PLCB1: variants seen among roughly 807,000 people sequenced by gnomAD.
PLCB1 encodes phospholipase C beta 1.
In PLCB1, 46 loss-of-function variants were observed where a neutral mutation model predicts 161.8. That is an observed-to-expected ratio of 0.28 (90% confidence interval 0.22 to 0.36). The LOEUF is 0.36. Ranked by LOEUF, PLCB1 falls within the 10% of genes least tolerant of loss-of-function variation. The pLI is 1.00. For missense variants in PLCB1, 1,016 were observed against 1,472.5 expected, an observed-to-expected ratio of 0.69 and a Z score of 5.07; for synonymous variants, 517 against 503.7, an observed-to-expected ratio of 1.03 and a Z score of -0.35.
At chr20:8,303,798 A>G (rs118153379) in intron 2 of PLCB1, among the ~76,000 whole-genome samples, 1,739 of 152,322 alleles carry the variant, frequency 0.011, 15 homozygotes, top group Middle Eastern at 0.034. Flanking sequence ...AATGTGCCTC[A>G]TCGAGTCCCA....
intron 2 of PLCB1, among the ~76,000 whole-genome samples, chr20:8,185,262 T>C (rs1208162174): frequency 6.6e-6 from 1 of 152,196 alleles, no homozygotes; most frequent in African/African-American, 2.4e-5. Flanking sequence ...TATCTTTTTA[T>C]ATATATCTGC....
chr20:8,161,721 C>T (rs1029808465), intron 2 of PLCB1, among the ~76,000 whole-genome samples: 1 of 151,850 alleles, frequency 6.6e-6, no homozygotes, highest in African/African-American at 2.4e-5. Context: ...ACGCTGCTGC[C>T]TGGGCTTCCT....
intron 3 of PLCB1, among the ~76,000 whole-genome samples, chr20:8,481,040 G>C (rs1982478506): frequency 6.6e-6 from 1 of 152,134 alleles, no homozygotes. Flanking sequence ...GGAGGCAAAG[G>C]TTGCAGTGAG....
chr20:8,731,736 T>C (rs1298575932), intron 18 of PLCB1, among the ~76,000 whole-genome samples: 3 of 151,996 alleles, frequency 2.0e-5, no homozygotes, highest in Non-Finnish European at 4.4e-5. Flanking sequence ...TACTTATTTG[T>C]TGTGTATTAT....
intron 2 of PLCB1, among the ~76,000 whole-genome samples, chr20:8,289,120 G>A (rs1011484457): frequency 3.3e-5 from 5 of 152,130 alleles, no homozygotes; most frequent in South Asian, 2.1e-4. Flanking sequence ...TTTTCAACCC[G>A]GGTTCCCATT....
At chr20:8,650,582 A>G (rs932951831) in intron 7 of PLCB1, among the ~76,000 whole-genome samples, 1 of 152,170 alleles carries the variant, frequency 6.6e-6, no homozygotes, top group Non-Finnish European at 1.5e-5. Context: ...CTTCTACCCT[A>G]CCACTGGCTC....
intron 4 of PLCB1, among the ~76,000 whole-genome samples, chr20:8,629,863 T>TTCTTTCTC: frequency 9.8e-6 from 1 of 102,100 alleles, no homozygotes; most frequent in South Asian, 2.8e-4. Context: ...CTTTCTTTCT[T>TTCTTTCTC]TCTTTCTTTC....
At chr20:8,686,578 A>AT (rs1990363833) in intron 10 of PLCB1, among the ~76,000 whole-genome samples, 1 of 152,146 alleles carries the variant, frequency 6.6e-6, no homozygotes, top group South Asian at 2.1e-4. Context: ...TATACATTTT[A>AT]TTTTTTCACC....
chr20:8,458,332 C>T (rs1207467050), intron 3 of PLCB1, among the ~76,000 whole-genome samples: 4 of 152,210 alleles, frequency 2.6e-5, no homozygotes, highest in Non-Finnish European at 4.4e-5. Context: ...TTTCATCTCT[C>T]ATGATCAATC....
At position 8,733,345 on chromosome 20, in the gene PLCB1, A is replaced by G; in HGVS notation, c.1996A>G (p.Thr666Ala). 6.2e-7 allele frequency: 1 copy of G among 1,614,096 alleles called. No individual in the cohort carries two copies. Residue 666 changes from threonine to alanine, a missense_variant, in exon 19 of 32, where the codon ACT (threonine) becomes GCT (alanine). Thr to Ala is a moderately conservative substitution (Grantham distance 58). Transcript: ENST00000338037. ...RRPDKHFDPF[T>A]EGIVDGIVAN... ...GCCTGACAAGCATTTTGATCCATTT[A>G]CTGAAGGCATCGTAGATGGGATAGT...
chr20:8,777,623 G>A (rs1411041651), intron 27 of PLCB1, among the ~76,000 whole-genome samples: 5 of 151,756 alleles, frequency 3.3e-5, no homozygotes, highest in Non-Finnish European at 7.4e-5. Flanking sequence ...GGAGGCTGAG[G>A]TGTGAGAATC....
intron 3 of PLCB1, among the ~76,000 whole-genome samples, chr20:8,460,312 A>G (rs1271870659): frequency 1.3e-5 from 2 of 152,292 alleles, no homozygotes; most frequent in Non-Finnish European, 2.9e-5. Flanking sequence ...ATCCGCTTAT[A>G]CCTGGCTTAG....
At chr20:8,315,711 G>GTCAC in intron 2 of PLCB1, among the ~76,000 whole-genome samples, 1 of 152,072 alleles carries the variant, frequency 6.6e-6, no homozygotes, top group Non-Finnish European at 1.5e-5. Context: ...TGCCGGTCTT[G>GTCAC]CTTACATATT....
intron 31 of PLCB1, among the ~76,000 whole-genome samples, chr20:8,846,609 A>G (rs934237292): frequency 6.6e-6 from 1 of 152,168 alleles, no homozygotes; most frequent in Non-Finnish European, 1.5e-5. Context: ...TTGAGTAGGA[A>G]GATTCTAACT....
At chr20:8,771,046 T>A (rs1458826376) in intron 26 of PLCB1, among the ~76,000 whole-genome samples, 1 of 152,174 alleles carries the variant, frequency 6.6e-6, no homozygotes, top group African/African-American at 2.4e-5. Context: ...ATGCGTAGAC[T>A]AAGCTTTGGA....
chr20:8,653,963 A>T (rs1470653892), intron 7 of PLCB1, among the ~76,000 whole-genome samples: 12 of 152,148 alleles, frequency 7.9e-5, no homozygotes, highest in Admixed American at 7.9e-4. Context: ...GGATTACATG[A>T]AAATATTCAA....
At chr20:8,422,393 A>G (rs1979576644) in intron 3 of PLCB1, among the ~76,000 whole-genome samples, 2 of 152,242 alleles carry the variant, frequency 1.3e-5, no homozygotes, top group Admixed American at 1.3e-4. Flanking sequence ...AAATGCCTGC[A>G]GAAATATCTC....
chr20:8,817,429 G>A (rs1210568502), intron 31 of PLCB1, among the ~76,000 whole-genome samples: 1 of 152,080 alleles, frequency 6.6e-6, no homozygotes, highest in Non-Finnish European at 1.5e-5. Flanking sequence ...GGTCCTCACT[G>A]GGGGGTTTGA....
chr20:8,766,658 A>T (rs1568590868), intron 26 of PLCB1, among the ~76,000 whole-genome samples: 1 of 152,336 alleles, frequency 6.6e-6, no homozygotes, highest in East Asian at 1.9e-4. Context: ...AAAGAAATTG[A>T]TATGGCGAAA....
Sources: allele counts gnomAD v4.1 joint callset (sites outside exome capture counted in the v4.1 genomes callset), GRCh38; gene constraint gnomAD v4.1.1; transcripts MANE v1.5; gene names NCBI Gene and HGNC (gene_info 2026-07-23, HGNC 2026-07-21).